Variants in ITGAM observed in about 807,000 individuals in gnomAD.
The protein encoded by ITGAM is integrin subunit alpha M, also known as integrin alpha-M.
Under a neutral mutation model 137.5 loss-of-function variants are expected in ITGAM, and 79 were observed. That is an observed-to-expected ratio of 0.57 (90% CI 0.48 to 0.69). ITGAM has a LOEUF of 0.69. ITGAM is among the 30% of genes least tolerant of loss of function. The pLI, the probability that ITGAM is intolerant of heterozygous loss-of-function variation, is 0.00. For synonymous variants in ITGAM, 583 were observed against 592.3 expected (o/e 0.98, Z 0.23); for missense variants, 1,343 against 1,483.5 (o/e 0.91, Z 1.56).
chr16:31,274,610 A>ATT lies in ITGAM; in HGVS notation c.859-938_859-937insTT, dbSNP rs58443776. On this transcript the variant is annotated intron_variant, in intron 8 of 29. Transcript: ENST00000544665. ...CTTTATTTGTTTATTTTATTTATTT[A>ATT]TATTTATTTATTTATTTATTTTGAG... 4.8e-3 allele frequency among the ~76,000 whole-genome samples: 717 copies of ATT among 149,020 alleles called. 5 individuals carry two copies. The highest frequency in any genetic ancestry group is 0.015 in the African/African-American group (584 of 39,104).
At chr16:31,305,941 C>T (rs113548631) in intron 14 of ITGAM, among the ~76,000 whole-genome samples, 1,888 of 151,862 alleles carry the variant, frequency 0.012, 37 homozygotes, top group African/African-American at 0.043. Flanking sequence ...TTGTTATATC[C>T]TTTTCTGGTT....
Position 31,265,835 on chromosome 16 carries a change from C to T in ITGAM, c.263C>T (p.Ser88Phe). The T allele has an allele frequency of 6.2e-7, 1 of 1,613,994 alleles. No individual in the cohort carries two copies. Reference protein sequence around the residue: ...LQVPVEAVNMSLGLSLAATTS... With the variant: ...LQVPVEAVNMFLGLSLAATTS... ...GTCCCCGTGGAGGCCGTGAACATGT[C>T]CCTGGGCCTGTCCCTGGCAGCCACC... The change falls in exon 4 of 30, where the codon TCC (serine) becomes TTC (phenylalanine). Residue 88 changes from serine to phenylalanine, a missense_variant. Physicochemically the swap from Ser to Phe is radical, Grantham distance 155 (BLOSUM62 -2). Transcript: ENST00000544665.
At chr16:31,280,685 A>G (rs1014251317) in intron 12 of ITGAM, among the ~76,000 whole-genome samples, 2 of 151,796 alleles carry the variant, frequency 1.3e-5, no homozygotes, top group African/African-American at 4.8e-5. Flanking sequence ...GTCTGCAAAC[A>G]GGGACAATAT....
In ITGAM at chr16:31,331,997, GTGTGTGCA is replaced by G. The variant is rs1338443105; in HGVS notation, c.*298_*305del. 4.3e-6 allele frequency: 2 copies of G among 465,828 alleles called. No individual in the cohort carries two copies. The highest frequency in any genetic ancestry group is 3.9e-5 in the East Asian group (1 of 25,708). The allele number at this position is 465,828 out of a possible 1,614,324, so 28.9% of individuals were successfully genotyped here. Reference sequence around the variant, plus strand: ...TGTGCGTGTGTCCATGTGTGTGCAAGTGTGTGCATGTGTGCGAGTGTGTGCATGTGTGT... The same window carrying G: ...TGTGCGTGTGTCCATGTGTGTGCAAGTGTGTGCGAGTGTGTGCATGTGTGT... On this transcript the variant is annotated 3_prime_UTR_variant, in exon 30 of 30. Coordinates refer to ENST00000544665, the MANE Select transcript of ITGAM (RefSeq NM_000632.4).
Position 31,276,750 on chromosome 16 carries a change from T to G in ITGAM, c.1083+6T>G, listed in dbSNP as rs759769789. On this transcript the variant is annotated splice_donor_region_variant and intron_variant, in intron 10 of 29. Coordinates refer to ENST00000544665, the MANE Select transcript of ITGAM (RefSeq NM_000632.4). Reference sequence around the variant, plus strand: ...TCAGCGCTGCCATCACCTCTGTAAGTGGCCCTTCATTAAATTGCGGGGGTG... The same window carrying G: ...TCAGCGCTGCCATCACCTCTGTAAGGGGCCCTTCATTAAATTGCGGGGGTG... The G allele has an allele frequency of 4.5e-5, 72 of 1,606,316 alleles. No individual in the cohort carries two copies. The African/African-American group carries it at 8.6e-4, about 19-fold the overall frequency.
intron 12 of ITGAM, among the ~76,000 whole-genome samples, chr16:31,279,252 C>T (rs984346213): frequency 1.1e-4 from 17 of 152,118 alleles, no homozygotes; most frequent in African/African-American, 4.1e-4. Flanking sequence ...GGTATATACC[C>T]AGTAATGGGA....
Position 31,332,852 on chromosome 16 carries a change from TAAATC to T in ITGAM, c.*1150_*1154del, listed in dbSNP as rs922608157. ...TGTTATTGCATCAATGCTGAGTTAATAAATCAAATATATGTCATTTTTGCATATAT... is the reference window on the plus strand; with the variant it reads ...TGTTATTGCATCAATGCTGAGTTAATAAATATATGTCATTTTTGCATATAT... On this transcript the variant is annotated 3_prime_UTR_variant, in exon 30 of 30. Coordinates refer to ENST00000544665, the MANE Select transcript of ITGAM (RefSeq NM_000632.4). 1.9e-4 allele frequency: 29 copies of T among 152,380 alleles called. No homozygotes were observed. The highest frequency in any genetic ancestry group is 6.5e-4 in the African/African-American group (27 of 41,592). 9.4% of individuals were successfully genotyped at this position (152,380 alleles called of 1,614,324 possible).
In ITGAM at chr16:31,332,364, A is replaced by G. The variant is rs142341856; in HGVS notation, c.*657A>G. 1 of 152,392 alleles carries G rather than the reference A, an allele frequency of 6.6e-6. No homozygotes were observed. The highest frequency in any genetic ancestry group is 1.9e-4 in the East Asian group (1 of 5,188). The allele number at this position is 152,392 out of a possible 1,614,324, so 9.4% of individuals were successfully genotyped here. A position where few individuals can be genotyped will look rare whatever the true frequency, so the allele number is the denominator to read the frequency against. ...CCACACCAGCGCTGATGCCCAATAA[A>G]GATGCCCACTGAGGAATGATGAAGC... On this transcript the variant is annotated 3_prime_UTR_variant, in exon 30 of 30. Transcript: ENST00000544665.
chr16:31,298,609 A>C (rs1161535541), intron 14 of ITGAM, among the ~76,000 whole-genome samples: 1 of 152,172 alleles, frequency 6.6e-6, no homozygotes, highest in Non-Finnish European at 1.5e-5. Context: ...CAAGAGCTCT[A>C]GTTTGCTTAA....
rs552443789 is a variant in ITGAM, at chr16:31,295,248, A to G, written c.1357-2266A>G. On this transcript the variant is annotated intron_variant, in intron 12 of 29. Transcript: ENST00000544665. ...CTACATAAATTTTAGTTTTTTTTCT[A>G]TTTTTGTAAAAAAATGCCATTGGGA... 5.3e-5 allele frequency among the ~76,000 whole-genome samples: 8 copies of G among 151,700 alleles called. No homozygotes were observed. The South Asian group carries it at 1.7e-3, about 32-fold the overall frequency.
chr16:31,270,495 T>G (rs1307406678), intron 5 of ITGAM, among the ~76,000 whole-genome samples: 1 of 150,486 alleles, frequency 6.6e-6, no homozygotes, highest in Non-Finnish European at 1.5e-5. Context: ...TCCATACCAC[T>G]TTGTCCTTGT....
intron 1 of ITGAM, among the ~76,000 whole-genome samples, chr16:31,261,198 C>CTTTTTTTT (rs1017498448): frequency 8.1e-6 from 1 of 123,236 alleles, no homozygotes; most frequent in Non-Finnish European, 1.8e-5. Context: ...ATGCTGCTAT[C>CTTTTTTTT]TTTTTTTTTT....
chr16:31,294,384 C>T (rs749470325), intron 12 of ITGAM, among the ~76,000 whole-genome samples: 2 of 151,976 alleles, frequency 1.3e-5, no homozygotes, highest in South Asian at 2.1e-4. Context: ...GTAGATGGCT[C>T]TTATTATTTT....
intron 6 of ITGAM, 25 bp downstream of exon 6, chr16:31,271,109 G>A (rs1312928026): frequency 2.7e-6 from 4 of 1,506,884 alleles, no homozygotes; most frequent in Non-Finnish European, 3.6e-6. Context: ...GTAGGTTAGG[G>A]AAGAGCCCAC....
chr16:31,323,663 T>C (rs956106509), intron 16 of ITGAM, among the ~76,000 whole-genome samples: 1 of 152,224 alleles, frequency 6.6e-6, no homozygotes, highest in African/African-American at 2.4e-5. Context: ...CTGTGCTAAA[T>C]ACTTGATAAG....
At chr16:31,264,514 C>T (rs1041944795) in intron 2 of ITGAM, among the ~76,000 whole-genome samples, 1 of 151,994 alleles carries the variant, frequency 6.6e-6, no homozygotes, top group Non-Finnish European at 1.5e-5. Flanking sequence ...TCCAGTGGCT[C>T]ATGCCTGTAA....
At position 31,275,718 on chromosome 16, in the gene ITGAM, T is replaced by C. The variant is rs750866048; in HGVS notation, c.1009+19T>C. ...ATCGAGGGTGAGTCAGGCATCTGTG[T>C]TCCCAGAGCAGCTCCAGAGGCAGCC... On this transcript the variant is annotated intron_variant, in intron 9 of 29. Coordinates refer to ENST00000544665, the MANE Select transcript of ITGAM (RefSeq NM_000632.4). 4 of 1,613,012 alleles carry C rather than the reference T, an allele frequency of 2.5e-6. No homozygotes were observed. The highest frequency in any genetic ancestry group is 3.4e-6 in the Non-Finnish European group (4 of 1,179,434).
chr16:31,302,935 T>C (rs1185793560), intron 14 of ITGAM, among the ~76,000 whole-genome samples: 1 of 59,932 alleles, frequency 1.7e-5, no homozygotes, highest in Non-Finnish European at 3.6e-5. Flanking sequence ...TTTCTTTCTT[T>C]CTTTCTTTCT....
At chr16:31,270,744 T>TATATA (rs1567248965) in intron 5 of ITGAM, among the ~76,000 whole-genome samples, 17 of 106,106 alleles carry the variant, frequency 1.6e-4, no homozygotes, top group African/African-American at 5.2e-4. Flanking sequence ...TATATATATA[T>TATATA]GTTTTTAACG....
Sources: allele counts gnomAD v4.1 joint callset (sites outside exome capture counted in the v4.1 genomes callset), GRCh38; gene constraint gnomAD v4.1.1; transcripts MANE v1.5; gene names NCBI Gene and HGNC (gene_info 2026-07-23, HGNC 2026-07-21).